The following HOXA3 variants were observed in gnomAD, a reference collection of about 807,000 sequenced individuals.
HOXA3 encodes the protein homeobox protein Hox-A3.
A neutral mutation model predicts 30.3 loss-of-function variants in HOXA3; 8 were observed. The observed-to-expected ratio is 0.26, with a 90% CI of 0.15 to 0.48. The LOEUF is 0.48. Ranked by LOEUF, HOXA3 falls within the 20% of genes least tolerant of loss-of-function variation. HOXA3 has a pLI of 0.99. For synonymous variants in HOXA3, 323 were observed against 273.1 expected (o/e 1.18, Z -1.80); for missense variants, 653 against 614.4 (o/e 1.06, Z -0.66).
In HOXA3 at chr7:27,113,116, T is replaced by A. The variant is rs186785220; in HGVS notation, c.-120-2356A>T. Among the ~76,000 whole-genome samples the A allele has an allele frequency of 6.6e-6, 1 of 152,120 alleles. No individual in the cohort carries two copies. Among genetic ancestry groups the A allele is most frequent in the African/African-American group, 2.4e-5 (1 of 41,406 alleles). ...TTGCCAGCCAGGAAACTTTGCTCTG[T>A]ACCGCCAAGCAAGGGCTGGGGATGA... is the stretch of plus-strand genomic sequence containing the variant. On this transcript the variant is annotated intron_variant, in intron 4 of 5. Coordinates refer to ENST00000612286, the MANE Select transcript of HOXA3 (RefSeq NM_153631.3). The surrounding 1 kb of genome is among the most constrained non-coding windows in gnomAD (Gnocchi z 4.8).
At chr7:27,124,168 T>G (rs1232355118) in intron 3 of HOXA3, 1 of 152,278 alleles carries the variant, frequency 6.6e-6, no homozygotes, top group Admixed American at 6.5e-5. Flanking sequence ...CACAGAGAGA[T>G]GCTGCCCAGG....
chr7:27,124,102 C>T (rs1162466891), intron 3 of HOXA3: 2 of 152,244 alleles, frequency 1.3e-5, no homozygotes, highest in Non-Finnish European at 2.9e-5. Flanking sequence ...GTTTCCTTAT[C>T]TCCAAGTCTA....
In HOXA3 at chr7:27,108,144, C is replaced by G. The variant is rs747577258; in HGVS notation, c.1103G>C (p.Gly368Ala). The change falls in exon 6 of 6, where the codon GGG (glycine) becomes GCG (alanine). Residue 368 changes from glycine (G) to alanine (A), a missense_variant. Coordinates refer to ENST00000612286, the MANE Select transcript of HOXA3 (RefSeq NM_153631.3). This position sits in a 1 kb window ranked among gnomAD's most constrained non-coding sequence, Gnocchi z 5.0. ...PHIQGSPVFV[G>A]GSYVEPMSNS... ...GCTCATGGGCTCCACATAGCTGCCC[C>G]CCACGAAGACGGGGCTTCCCTGTAT... is the stretch of plus-strand genomic sequence containing the variant. The G allele has an allele frequency of 1.1e-5, 17 of 1,587,806 alleles. No individual in the cohort carries two copies. The East Asian group carries it at 2.7e-4, about 25-fold the overall frequency.
chr7:27,124,932 G>A (rs17500674), intron 3 of HOXA3, among the ~76,000 whole-genome samples: 10,665 of 152,150 alleles, frequency 0.07, 756 homozygotes, highest in African/African-American at 0.18. Context: ...ACTGCTCTCC[G>A]AGATGCCCTG....
At chr7:27,141,693 G>A in intron 1 of HOXA3, 1 of 1,006,370 alleles carries the variant, frequency 9.9e-7, no homozygotes, top group Non-Finnish European at 1.5e-6. Context: ...CAATAAACAG[G>A]CTCATGATTA....
chr7:27,110,822 G>A lies in HOXA3; in HGVS notation c.-120-62C>T, dbSNP rs1419863306. ...GCGCAAATCCATCTTACTCTCAATA[G>A]CTAAGTGACATGAAAGCCATAAAAG... is the stretch of plus-strand genomic sequence containing the variant. On this transcript the variant is annotated intron_variant, in intron 4 of 5. Transcript: ENST00000612286. 15 of 802,462 alleles carry A rather than the reference G, an allele frequency of 1.9e-5. No homozygotes were observed. The East Asian group carries it at 4.1e-4, about 22-fold the overall frequency. 49.7% of individuals were successfully genotyped at this position (802,462 alleles called of 1,614,324 possible).
chr7:27,143,021 G>T, intron 1 of HOXA3: 1 of 1,496,456 alleles, frequency 6.7e-7, no homozygotes, highest in Non-Finnish European at 8.9e-7. Context: ...GCGGTCGCGT[G>T]GATTTAGAAA....
chr7:27,148,576 C>T (rs1387794604), intron 1 of HOXA3, among the ~76,000 whole-genome samples: 1 of 152,236 alleles, frequency 6.6e-6, no homozygotes, highest in Non-Finnish European at 1.5e-5. Flanking sequence ...CAATGGCCCG[C>T]GCCTGCCTGG....
intron 1 of HOXA3, chr7:27,151,822 A>T: frequency 2.6e-6 from 1 of 380,936 alleles, no homozygotes; most frequent in Non-Finnish European, 5.3e-6. Flanking sequence ...CAGGTCAAGG[A>T]TGGTCTCCTC....
chr7:27,138,296 A>G (rs1381644496), intron 2 of HOXA3, among the ~76,000 whole-genome samples: 1 of 152,224 alleles, frequency 6.6e-6, no homozygotes, highest in Non-Finnish European at 1.5e-5. Context: ...TTTCAAAAAA[A>G]CTTTCTAGGT....
chr7:27,114,519 T>G (rs1784567865), intron 4 of HOXA3, among the ~76,000 whole-genome samples: 1 of 151,788 alleles, frequency 6.6e-6, no homozygotes, highest in Non-Finnish European at 1.5e-5. Context: ...TTTGGTTAAA[T>G]TTTCAGGCAG....
At chr7:27,122,921 G>C (rs967473561) in intron 3 of HOXA3, 4 of 151,978 alleles carry the variant, frequency 2.6e-5, no homozygotes, top group Admixed American at 6.6e-5. Flanking sequence ...TTTGGCGGGG[G>C]AGTGGGGAAG....
At chr7:27,150,015 C>T (rs1408400771) in intron 1 of HOXA3, 1 of 152,130 alleles carries the variant, frequency 6.6e-6, no homozygotes, top group Non-Finnish European at 1.5e-5. Context: ...TTCCAGCTAA[C>T]AAGAGAATTT....
chr7:27,118,077 G>A (rs1784817945), intron 4 of HOXA3, among the ~76,000 whole-genome samples: 2 of 152,220 alleles, frequency 1.3e-5, no homozygotes, highest in Admixed American at 6.5e-5. Flanking sequence ...CATGAGCCAG[G>A]GTCTCCTCGC....
At chr7:27,134,683 C>T (rs1347780708) in intron 2 of HOXA3, among the ~76,000 whole-genome samples, 1 of 152,192 alleles carries the variant, frequency 6.6e-6, no homozygotes, top group Non-Finnish European at 1.5e-5. Context: ...TGGCAAACCC[C>T]CATTTGGCTT....
intron 1 of HOXA3, among the ~76,000 whole-genome samples, chr7:27,149,141 G>A (rs1354071240): frequency 6.6e-6 from 1 of 152,258 alleles, no homozygotes; most frequent in African/African-American, 2.4e-5. Context: ...TTGCCTGAGA[G>A]GTGTGCCTTC....
At chr7:27,121,045 G>A (rs1157025575) in intron 4 of HOXA3, 4 of 152,248 alleles carry the variant, frequency 2.6e-5, no homozygotes, top group Non-Finnish European at 5.9e-5. Context: ...AGGCAACCAA[G>A]GGTACACACC....
intron 1 of HOXA3, chr7:27,151,600 C>G: frequency 2.2e-6 from 1 of 456,756 alleles, no homozygotes; most frequent in Admixed American, 2.3e-5. Flanking sequence ...CCTATTCCCC[C>G]TCCCAGCGCT....
At chr7:27,112,563 C>G (rs1308479323) in intron 4 of HOXA3, among the ~76,000 whole-genome samples, 2 of 152,196 alleles carry the variant, frequency 1.3e-5, no homozygotes, top group African/African-American at 2.4e-5. Flanking sequence ...TAGGAAGCTA[C>G]ACATACCATG....
Sources: gnomAD v4.1 joint callset for allele counts (sites outside exome capture counted in the v4.1 genomes callset) on GRCh38, gnomAD v4.1.1 for gene constraint, Gnocchi (gnomAD v3.1) non-coding constraint, MANE v1.5 for transcripts, NCBI Gene and HGNC (gene_info 2026-07-23, HGNC 2026-07-21) for gene names.